SLC8A1: variants seen among roughly 807,000 people sequenced by gnomAD.
The protein encoded by SLC8A1 is solute carrier family 8 member A1.
SLC8A1 carries 18 observed loss-of-function variants against 68.3 expected under a neutral mutation model. That is an observed-to-expected ratio of 0.26 (90% confidence interval 0.18 to 0.39). The LOEUF (loss-of-function observed/expected upper bound fraction) is 0.39. SLC8A1 is among the 10% of genes least tolerant of loss of function. SLC8A1 has a pLI of 1.00. For synonymous variants in SLC8A1, 475 were observed against 415.5 expected (o/e 1.14, Z -1.74); for missense variants, 985 against 1,156.7 (o/e 0.85, Z 2.15).
chr2:40,270,767 A>G (rs1362146433), intron 2 of SLC8A1, among the ~76,000 whole-genome samples: 1 of 152,180 alleles, frequency 6.6e-6, no homozygotes, highest in East Asian at 1.9e-4. Context: ...GGGTGGGAGC[A>G]TTACATTATT....
At chr2:40,175,351 T>C (rs922152725) in intron 3 of SLC8A1, 70 bp from the exon 4 acceptor site, 1 of 1,495,766 alleles carries the variant, frequency 6.7e-7, no homozygotes, top group Admixed American at 1.7e-5. Flanking sequence ...AAGAGGAATA[T>C]CAGCAGAAAG....
At position 40,244,248 on chromosome 2, in the gene SLC8A1, A is replaced by G. The variant is rs575952015; in HGVS notation, c.1809-66393T>C. Among the ~76,000 whole-genome samples the G allele has an allele frequency of 3.3e-5, 5 of 152,256 alleles. No homozygotes were observed. In the East Asian group the frequency reaches 9.7e-4, roughly 29 times the overall value. ...GTTTAGTGGTGGGAGATACATTAGG[A>G]AAGCGTCAGTGCACATGAAGAGACC... On this transcript the variant is annotated intron_variant, in intron 2 of 7. Transcript: ENST00000406785.
intron 2 of SLC8A1, among the ~76,000 whole-genome samples, chr2:40,251,955 A>G (rs1043978858): frequency 1.3e-5 from 2 of 152,180 alleles, no homozygotes; most frequent in African/African-American, 4.8e-5. Flanking sequence ...AGAGTGTATA[A>G]TACCAAAAAA....
intron 2 of SLC8A1, among the ~76,000 whole-genome samples, chr2:40,207,242 G>A (rs1033419092): frequency 2.0e-5 from 3 of 151,798 alleles, no homozygotes; most frequent in Non-Finnish European, 4.4e-5. Context: ...ATTTCCTAGG[G>A]CCTTTTTTTC....
At chr2:40,234,011 A>G (rs2060029396) in intron 2 of SLC8A1, among the ~76,000 whole-genome samples, 1 of 152,134 alleles carries the variant, frequency 6.6e-6, no homozygotes, top group African/African-American at 2.4e-5. Flanking sequence ...CTTGTAGTAT[A>G]TAGTTTGAAG....
At chr2:40,244,773 T>C (rs1480012664) in intron 2 of SLC8A1, among the ~76,000 whole-genome samples, 1 of 152,060 alleles carries the variant, frequency 6.6e-6, no homozygotes, top group Admixed American at 6.6e-5. Context: ...CAGTAGAGGA[T>C]TAGTTAGCAG....
At chr2:40,467,061 T>C (rs1180032894) in intron 1 of SLC8A1, among the ~76,000 whole-genome samples, 1 of 151,438 alleles carries the variant, frequency 6.6e-6, no homozygotes, top group Non-Finnish European at 1.5e-5. Context: ...TCCCACCTGG[T>C]GCACACCAGG....
At chr2:40,454,341 A>G (rs1239578010), upstream of SLC8A1, among the ~76,000 whole-genome samples, 1 of 152,186 alleles carries the variant, frequency 6.6e-6, no homozygotes, top group Non-Finnish European at 1.5e-5. Context: ...GAAAGAGTGT[A>G]GCCTCTTATT....
chr2:40,405,353 G>A (rs1215734761), intron 2 of SLC8A1, among the ~76,000 whole-genome samples: 2 of 152,170 alleles, frequency 1.3e-5, no homozygotes, highest in Non-Finnish European at 2.9e-5. Context: ...AAACATTATG[G>A]ATCAAATCCA....
chr2:40,344,997 TTGTC>T (rs949392495), intron 2 of SLC8A1, among the ~76,000 whole-genome samples: 1 of 149,908 alleles, frequency 6.7e-6, no homozygotes, highest in Non-Finnish European at 1.5e-5. Context: ...CGTATTTTGT[TTGTC>T]TGTTTGTTTT....
intron 2 of SLC8A1, among the ~76,000 whole-genome samples, chr2:40,253,185 ATATACACG>A (rs913884485): frequency 5.7e-5 from 8 of 139,236 alleles, no homozygotes; most frequent in African/African-American, 2.2e-4. Flanking sequence ...AAATATACAT[ATATACACG>A]TATATGTATA....
chr2:40,428,996 T>C, exon 2 of SLC8A1: 4 of 1,613,780 alleles, frequency 2.5e-6, no homozygotes, highest in Non-Finnish European at 3.4e-6. Context: ...CTGCGGATAA[T>C]GGTAAGGGCC....
intron 2 of SLC8A1, among the ~76,000 whole-genome samples, chr2:40,404,551 T>C (rs989599984): frequency 6.6e-6 from 1 of 152,180 alleles, no homozygotes; most frequent in Non-Finnish European, 1.5e-5. Flanking sequence ...ATCCAAGAAA[T>C]ATTTAATTAA....
intron 1 of SLC8A1, among the ~76,000 whole-genome samples, chr2:40,438,445 T>C (rs1433264353): frequency 6.6e-6 from 1 of 152,180 alleles, no homozygotes; most frequent in Non-Finnish European, 1.5e-5. Flanking sequence ...CATTTATTCA[T>C]CAAGCCTCTA....
chr2:40,326,100 G>A lies in SLC8A1; in HGVS notation c.1808+102373C>T, dbSNP rs543540330. Among the ~76,000 whole-genome samples, 515 of 152,142 alleles carry A rather than the reference G, an allele frequency of 3.4e-3. 14 individuals carry two copies. Among genetic ancestry groups the A allele is most frequent in the Non-Finnish European group, 9.3e-4 (63 of 68,014 alleles). On this transcript the variant is annotated intron_variant, in intron 2 of 7. Coordinates refer to ENST00000406785, the Ensembl canonical transcript of SLC8A1. Reference sequence around the variant, plus strand: ...GCAATCTGTACAGTGGTGAAACTGAGGATATCTTGTCTGGATTTTTCAGAC... The same window carrying A: ...GCAATCTGTACAGTGGTGAAACTGAAGATATCTTGTCTGGATTTTTCAGAC...
At chr2:40,266,694 C>G (rs1432307935) in intron 2 of SLC8A1, among the ~76,000 whole-genome samples, 1 of 152,172 alleles carries the variant, frequency 6.6e-6, no homozygotes, top group Non-Finnish European at 1.5e-5. Context: ...GTACCTCATC[C>G]TTCTCCATGG....
intron 2 of SLC8A1, among the ~76,000 whole-genome samples, chr2:40,311,859 A>G (rs961944996): frequency 1.3e-5 from 2 of 152,178 alleles, no homozygotes; most frequent in African/African-American, 2.4e-5. Context: ...GATAACAAAA[A>G]TAAAAGCAAG....
chr2:40,354,485 G>A (rs987439094), intron 2 of SLC8A1, among the ~76,000 whole-genome samples: 6 of 152,154 alleles, frequency 3.9e-5, no homozygotes, highest in African/African-American at 1.4e-4. Flanking sequence ...TGTGGCATTT[G>A]TGTCAATGGA....
intron 2 of SLC8A1, among the ~76,000 whole-genome samples, chr2:40,419,795 G>T (rs961606750): frequency 6.6e-6 from 1 of 151,958 alleles, no homozygotes; most frequent in African/African-American, 2.4e-5. Context: ...TTTAATAATT[G>T]TGTGTATATG....
Sources: allele counts gnomAD v4.1 joint callset (sites outside exome capture counted in the v4.1 genomes callset), GRCh38; gene constraint gnomAD v4.1.1; transcripts MANE v1.5; gene names NCBI Gene and HGNC (gene_info 2026-07-23, HGNC 2026-07-21).